Variants in MRPL48 observed in about 807,000 individuals in gnomAD.
The protein encoded by MRPL48 is mitochondrial ribosomal protein L48.
In MRPL48, 16 loss-of-function variants were observed where a neutral mutation model predicts 32.9. That is an observed-to-expected ratio of 0.49 (90% CI 0.33 to 0.74). The LOEUF is 0.74. MRPL48 is among the 30% of genes least tolerant of loss of function. MRPL48 has a pLI of 0.02. For missense variants in MRPL48, 206 were observed against 245.3 expected (o/e 0.84, Z 1.07); for synonymous variants, 94 against 89.2 (o/e 1.05, Z -0.31).
chr11:73,835,526 A>G (rs1948084504), intron 4 of MRPL48, among the ~76,000 whole-genome samples: 2 of 152,192 alleles, frequency 1.3e-5, no homozygotes, highest in Non-Finnish European at 2.9e-5. Flanking sequence ...ACTAGTTGGA[A>G]ATTGGGACCA....
intron 3 of MRPL48, among the ~76,000 whole-genome samples, chr11:73,824,076 G>T (rs1947839719): frequency 6.6e-6 from 1 of 151,572 alleles, no homozygotes; most frequent in Non-Finnish European, 1.5e-5. Flanking sequence ...GGCTGGTTTT[G>T]AACTCCTGAC....
chr11:73,830,123 T>A (rs1383359032), intron 4 of MRPL48, among the ~76,000 whole-genome samples: 3 of 152,136 alleles, frequency 2.0e-5, no homozygotes, highest in African/African-American at 7.2e-5. Context: ...AGGGTAGAAG[T>A]CTCAGTTTTC....
In MRPL48 at chr11:73,844,858, G is replaced by T. The variant is rs745995390; in HGVS notation, c.253G>T (p.Asp85Tyr). The T allele has an allele frequency of 1.2e-6, 2 of 1,613,906 alleles. No individual in the cohort carries two copies. Among genetic ancestry groups the T allele is most frequent in the Non-Finnish European group, 1.7e-6 (2 of 1,179,862 alleles). Residue 85 changes from aspartate to tyrosine, a missense_variant, in exon 5 of 8, where the codon GAT (aspartate) becomes TAT (tyrosine). By Grantham distance (160) the Asp-to-Tyr change is radical. Coordinates refer to ENST00000310614, the MANE Select transcript of MRPL48 (RefSeq NM_016055.6). ...VEVRAINLGTDYEYGVLNIHL... is the reference protein window; with the variant it reads ...VEVRAINLGTYYEYGVLNIHL... The stretch of plus-strand genomic sequence containing the variant: ...AGTGAGAGCCATTAATTTGGGGACA[G>T]ATTATGAATATGGGGTTTTAAATAT...
rs55677926 is a variant in MRPL48, at chr11:73,857,871, G to A, written c.372-2036G>A. Among the ~76,000 whole-genome samples the A allele has an allele frequency of 2.6e-3, 396 of 152,230 alleles. 2 individuals carry two copies. Among genetic ancestry groups the A allele is most frequent in the African/African-American group, 9.1e-3 (376 of 41,526 alleles). ...ACCTCCCAAAGGGCTGGGATTACAG[G>A]CTTGAGCCACCGCATGCATAGACTT... On this transcript the variant is annotated intron_variant, in intron 5 of 7. Transcript: ENST00000310614.
chr11:73,835,430 G>A (rs977474099), intron 4 of MRPL48, among the ~76,000 whole-genome samples: 7 of 152,130 alleles, frequency 4.6e-5, no homozygotes, highest in East Asian at 1.9e-4. Context: ...GTGAGCCACC[G>A]CGCCCACCCT....
chr11:73,826,026 A>AT lies in MRPL48; in HGVS notation c.201+239dup, dbSNP rs935163519. Among the ~76,000 whole-genome samples the AT allele has an allele frequency of 5.3e-5, 8 of 150,728 alleles. No homozygotes were observed. In the East Asian group the frequency reaches 5.8e-4, roughly 11 times the overall value. ...TAAAAAGCAAATGGTTTTTATTTTTATTTTTTTTTGAGACAGGGTCTTGCT... is the reference window on the plus strand; with the variant it reads ...TAAAAAGCAAATGGTTTTTATTTTTATTTTTTTTTTGAGACAGGGTCTTGCT... On this transcript the variant is annotated intron_variant, in intron 4 of 7. Coordinates refer to ENST00000310614, the MANE Select transcript of MRPL48 (RefSeq NM_016055.6).
intron 4 of MRPL48, chr11:73,842,180 G>A (rs1169216689): frequency 6.6e-6 from 1 of 152,208 alleles, no homozygotes; most frequent in Non-Finnish European, 1.5e-5. Flanking sequence ...TGAACTCCTA[G>A]GCTCAAGCAG....
chr11:73,838,641 TGC>T (rs1293744035), intron 4 of MRPL48, among the ~76,000 whole-genome samples: 2 of 152,214 alleles, frequency 1.3e-5, no homozygotes, highest in East Asian at 3.8e-4. Context: ...AAGTCCTGAT[TGC>T]TGCATTTGGC....
intron 1 of MRPL48, among the ~76,000 whole-genome samples, chr11:73,801,755 T>A (rs1947367111): frequency 6.6e-6 from 1 of 152,228 alleles, no homozygotes; most frequent in Non-Finnish European, 1.5e-5. Context: ...ACTTAATCTG[T>A]TTCCTCAACT....
At chr11:73,790,880 C>CTTTT (rs71469471) in intron 1 of MRPL48, among the ~76,000 whole-genome samples, 31 of 86,404 alleles carry the variant, frequency 3.6e-4, no homozygotes, top group Middle Eastern at 0.01. Context: ...CTTTTCTGTT[C>CTTTT]TTTTTTTTTT....
intron 4 of MRPL48, among the ~76,000 whole-genome samples, chr11:73,836,485 C>T (rs1243278890): frequency 6.6e-6 from 1 of 152,200 alleles, no homozygotes; most frequent in East Asian, 1.9e-4. Flanking sequence ...AGGCATGAGC[C>T]ACCGTGCCCT....
At chr11:73,854,419 G>A (rs1007129508) in intron 5 of MRPL48, among the ~76,000 whole-genome samples, 1 of 152,154 alleles carries the variant, frequency 6.6e-6, no homozygotes, top group Non-Finnish European at 1.5e-5. Flanking sequence ...GAGTAGCTGG[G>A]ACTACAGGCA....
chr11:73,857,233 T>G (rs940287675), intron 5 of MRPL48, among the ~76,000 whole-genome samples: 13 of 151,740 alleles, frequency 8.6e-5, no homozygotes, highest in African/African-American at 2.9e-4. Flanking sequence ...TAGGTTCAAG[T>G]GATTCTTCTG....
chr11:73,854,714 A>C (rs190039333), intron 5 of MRPL48, among the ~76,000 whole-genome samples: 77 of 152,306 alleles, frequency 5.1e-4, no homozygotes, highest in South Asian at 1.5e-3. Context: ...CCAAAAACAA[A>C]CAACCAACCA....
At chr11:73,859,677 G>GTAT (rs1948550321) in intron 5 of MRPL48, among the ~76,000 whole-genome samples, 1 of 151,574 alleles carries the variant, frequency 6.6e-6, no homozygotes, top group African/African-American at 2.4e-5. Context: ...TTTTTTTGGA[G>GTAT]TATTAAGTAT....
chr11:73,826,679 A>G (rs998509245), intron 4 of MRPL48, among the ~76,000 whole-genome samples: 9 of 151,408 alleles, frequency 5.9e-5, no homozygotes, highest in African/African-American at 2.2e-4. Context: ...GGGTTTTACC[A>G]TGTTGACCAG....
At chr11:73,843,876 C>T (rs1056891383) in intron 4 of MRPL48, among the ~76,000 whole-genome samples, 9 of 151,822 alleles carry the variant, frequency 5.9e-5, no homozygotes, top group African/African-American at 2.2e-4. Context: ...GTCAGGAGTT[C>T]GAGACCAGTC....
intron 6 of MRPL48, among the ~76,000 whole-genome samples, chr11:73,860,957 T>G (rs976366803): frequency 6.6e-6 from 1 of 152,222 alleles, no homozygotes; most frequent in Non-Finnish European, 1.5e-5. Context: ...AATTGTACAT[T>G]AAATGGCCTT....
At chr11:73,858,852 G>T (rs1423528770) in intron 5 of MRPL48, among the ~76,000 whole-genome samples, 2 of 152,192 alleles carry the variant, frequency 1.3e-5, no homozygotes, top group African/African-American at 4.8e-5. Context: ...AGGCCCAGAG[G>T]GGGAATGACT....
Sources: gnomAD v4.1 joint callset for allele counts (sites outside exome capture counted in the v4.1 genomes callset) on GRCh38, gnomAD v4.1.1 for gene constraint, MANE v1.5 for transcripts, NCBI Gene and HGNC (gene_info 2026-07-23, HGNC 2026-07-21) for gene names.